The following MAML2 variants were observed in gnomAD, a reference collection of about 807,000 sequenced individuals.
MAML2 encodes the protein mastermind like transcriptional coactivator 2.
In MAML2, 22 loss-of-function variants were observed where a neutral mutation model predicts 96.1. The observed-to-expected ratio is 0.23, with a 90% confidence interval of 0.16 to 0.33. The LOEUF is 0.33. Among genes scored for constraint, MAML2 ranks in the 10% least tolerant of loss-of-function variants. MAML2 has a pLI of 1.00. For missense variants in MAML2, 1,367 were observed against 1,392.4 expected (o/e 0.98, Z 0.29); for synonymous variants, 561 against 521.3 (o/e 1.08, Z -1.04).
chr11:96,212,060 C>T (rs768830239), intron 1 of MAML2, among the ~76,000 whole-genome samples: 31 of 150,072 alleles, frequency 2.1e-4, no homozygotes, highest in Non-Finnish European at 3.7e-4. Context: ...GGAACTTGGG[C>T]AAGGAGCTGA....
intron 2 of MAML2, among the ~76,000 whole-genome samples, chr11:96,002,654 T>G (rs1858100295): frequency 8.8e-4 from 3 of 3,418 alleles, no homozygotes; most frequent in African/African-American, 1.3e-3. Flanking sequence ...ATGAGGATGA[T>G]GATGGGGATG....
At chr11:96,076,795 A>G (rs975755152) in intron 2 of MAML2, among the ~76,000 whole-genome samples, 3 of 152,244 alleles carry the variant, frequency 2.0e-5, no homozygotes, top group Admixed American at 2.0e-4. Context: ...ACCAGGCCAC[A>G]GCTCATACTT....
chr11:96,045,580 G>T (rs969390409), intron 2 of MAML2, among the ~76,000 whole-genome samples: 1 of 152,122 alleles, frequency 6.6e-6, no homozygotes, highest in African/African-American at 2.4e-5. Flanking sequence ...ACAACAATCA[G>T]AAAGAAAAAT....
chr11:96,243,289 C>T (rs535709741), intron 1 of MAML2, among the ~76,000 whole-genome samples: 21 of 152,328 alleles, frequency 1.4e-4, no homozygotes, highest in African/African-American at 5.1e-4. Flanking sequence ...GGCCGGCCTC[C>T]AGACCAATGA....
At chr11:96,333,076 A>T (rs897169381) in intron 1 of MAML2, among the ~76,000 whole-genome samples, 3 of 152,216 alleles carry the variant, frequency 2.0e-5, no homozygotes, top group Non-Finnish European at 4.4e-5. Context: ...CTGTTGTACA[A>T]TGAGGCATTT....
chr11:96,262,065 A>T (rs756355726), intron 1 of MAML2, among the ~76,000 whole-genome samples: 1 of 152,234 alleles, frequency 6.6e-6, no homozygotes, highest in Non-Finnish European at 1.5e-5. Flanking sequence ...CCCAACCAAC[A>T]TCTACTGAAC....
intron 2 of MAML2, among the ~76,000 whole-genome samples, chr11:96,075,405 G>A (rs1859418497): frequency 6.6e-6 from 1 of 152,186 alleles, no homozygotes; most frequent in African/African-American, 2.4e-5. Context: ...TACAAGCATT[G>A]CAAAGTCTGA....
chr11:96,254,599 CAAAAA>C (rs35212185), intron 1 of MAML2, among the ~76,000 whole-genome samples: 1 of 145,664 alleles, frequency 6.9e-6, no homozygotes. Flanking sequence ...CAAAACAAAA[CAAAAA>C]AAAAACTCTT....
intron 1 of MAML2, among the ~76,000 whole-genome samples, chr11:96,205,362 C>G (rs1861881253): frequency 6.6e-6 from 1 of 152,226 alleles, no homozygotes; most frequent in African/African-American, 2.4e-5. Flanking sequence ...ATGCTCTATA[C>G]TTGTTTAATC....
chr11:96,115,077 C>T (rs868840162), intron 1 of MAML2, among the ~76,000 whole-genome samples: 1 of 151,710 alleles, frequency 6.6e-6, no homozygotes, highest in Non-Finnish European at 1.5e-5. Flanking sequence ...GAATTGCATA[C>T]AAAGATCCAA....
intron 1 of MAML2, among the ~76,000 whole-genome samples, chr11:96,133,502 A>T (rs1439409000): frequency 6.6e-6 from 1 of 152,208 alleles, no homozygotes; most frequent in Non-Finnish European, 1.5e-5. Flanking sequence ...TATTTTCCCT[A>T]TGAAAGACCT....
In MAML2 at chr11:96,102,042, T is replaced by G. The variant is rs12807797; in HGVS notation, c.514-8525A>C. Among the ~76,000 whole-genome samples, 589 of 152,026 alleles carry G rather than the reference T, an allele frequency of 3.9e-3. 7 individuals carry two copies. The highest frequency in any genetic ancestry group is 0.013 in the African/African-American group (556 of 41,472). On this transcript the variant is annotated intron_variant, in intron 1 of 4. Transcript: ENST00000524717. ...CTGTAATCCCAGCACTTTGGGAGGC[T>G]GAGGCAGACGGATCACCAGGTCAGG...
chr11:96,288,645 T>C (rs1277562847), intron 1 of MAML2, among the ~76,000 whole-genome samples: 2 of 152,210 alleles, frequency 1.3e-5, no homozygotes, highest in Non-Finnish European at 2.9e-5. Context: ...AATACCATTA[T>C]TATTCACGTA....
intron 1 of MAML2, among the ~76,000 whole-genome samples, chr11:96,325,371 G>A (rs150870750): frequency 4.2e-4 from 64 of 152,184 alleles, no homozygotes; most frequent in Admixed American, 2.8e-3. Context: ...CTGAAATGAT[G>A]TTTAAACTGA....
intron 1 of MAML2, among the ~76,000 whole-genome samples, chr11:96,155,509 A>AATACACATAT (rs541216405): frequency 1.3e-5 from 1 of 74,848 alleles, no homozygotes; most frequent in Non-Finnish European, 2.5e-5. Context: ...TAACAATTCA[A>AATACACATAT]ATATATATAT....
intron 1 of MAML2, among the ~76,000 whole-genome samples, chr11:96,227,767 C>T (rs1284493679): frequency 6.6e-6 from 1 of 152,178 alleles, no homozygotes; most frequent in African/African-American, 2.4e-5. Flanking sequence ...ATTGTTGTTG[C>T]TGCTGTTATT....
chr11:96,148,941 T>C (rs1860870718), intron 1 of MAML2, among the ~76,000 whole-genome samples: 1 of 152,178 alleles, frequency 6.6e-6, no homozygotes, highest in Non-Finnish European at 1.5e-5. Flanking sequence ...GGATGTGAAA[T>C]TGATTTCTGA....
At chr11:95,992,286 T>G (rs1226392337) in intron 2 of MAML2, among the ~76,000 whole-genome samples, 1 of 152,198 alleles carries the variant, frequency 6.6e-6, no homozygotes. Context: ...GCCTTGTAAA[T>G]TTTGTTCCGC....
chr11:96,169,800 G>A (rs570677110), intron 1 of MAML2, among the ~76,000 whole-genome samples: 50 of 152,218 alleles, frequency 3.3e-4, no homozygotes, highest in Non-Finnish European at 6.2e-4. Context: ...GACTACAGGT[G>A]CGTGCCACCA....
Sources: gnomAD v4.1 joint callset for allele counts (sites outside exome capture counted in the v4.1 genomes callset) on GRCh38, gnomAD v4.1.1 for gene constraint, MANE v1.5 for transcripts, NCBI Gene and HGNC (gene_info 2026-07-23, HGNC 2026-07-21) for gene names.